The following XPNPEP3 variants were observed in gnomAD, a reference collection of about 807,000 sequenced individuals.
XPNPEP3 encodes the protein X-prolyl aminopeptidase 3.
In XPNPEP3, 41 loss-of-function variants were observed where a neutral mutation model predicts 60.0. The ratio of observed to expected loss-of-function variants is 0.68; its 90% CI spans 0.53 to 0.89. The LOEUF (loss-of-function observed/expected upper bound fraction) is 0.89, where lower values mean the gene tolerates loss of function less well. Ranked by LOEUF, XPNPEP3 falls within the 40% of genes least tolerant of loss-of-function variation. The probability of loss-of-function intolerance (pLI) is 0.00; values close to 1 mark genes in which losing one functional copy is unlikely to be tolerated. For synonymous variants in XPNPEP3, 212 were observed against 223.2 expected, an observed-to-expected ratio of 0.95 and a Z score of 0.45; for missense variants, 598 against 638.9, an observed-to-expected ratio of 0.94 and a Z score of 0.69.
chr22:40,884,855 G>A (rs146692695), intron 3 of XPNPEP3, among the ~76,000 whole-genome samples: 2,457 of 151,398 alleles, frequency 0.016, 68 homozygotes, highest in African/African-American at 0.057. Flanking sequence ...GTGAAACCCC[G>A]TCTCTACTAA....
intron 5 of XPNPEP3, 120 bp downstream of exon 5, chr22:40,907,769 A>T: frequency 3.0e-6 from 3 of 1,005,090 alleles, no homozygotes; most frequent in Non-Finnish European, 4.6e-6. Flanking sequence ...ATTGGAGAGG[A>T]TTTGGTTCTG....
intron 7 of XPNPEP3, among the ~76,000 whole-genome samples, chr22:40,921,043 C>T (rs957026755): frequency 1.3e-5 from 2 of 152,140 alleles, no homozygotes; most frequent in South Asian, 2.1e-4. Context: ...CCACCCGCCT[C>T]GGCCTCCCAA....
chr22:40,874,282 G>A (rs2058019222), intron 2 of XPNPEP3, among the ~76,000 whole-genome samples: 1 of 152,082 alleles, frequency 6.6e-6, no homozygotes. Context: ...AAATTAAAAG[G>A]AATCAAGAAA....
intron 6 of XPNPEP3, among the ~76,000 whole-genome samples, 156 bp downstream of exon 6, chr22:40,909,391 A>G (rs1311289951): frequency 3.3e-5 from 5 of 152,170 alleles, no homozygotes; most frequent in Admixed American, 1.3e-4. Flanking sequence ...ACATTATCTC[A>G]TTTTGTCCTT....
chr22:40,863,653 A>C (rs1354285290), intron 1 of XPNPEP3, among the ~76,000 whole-genome samples: 1 of 152,174 alleles, frequency 6.6e-6, no homozygotes, highest in Non-Finnish European at 1.5e-5. Context: ...CATGATTATA[A>C]TTTGCCTACC....
chr22:40,869,191 G>A, intron 2 of XPNPEP3, 76 bp downstream of exon 2: 1 of 1,265,510 alleles, frequency 7.9e-7, no homozygotes, highest in Admixed American at 1.7e-5. Context: ...ACTTCTTGCA[G>A]TAAGCTCTGG....
chr22:40,876,473 C>T (rs1292363549), intron 2 of XPNPEP3, among the ~76,000 whole-genome samples: 1 of 152,210 alleles, frequency 6.6e-6, no homozygotes, highest in East Asian at 1.9e-4. Flanking sequence ...CACATAACAA[C>T]TTTGTGAAGT....
rs1241696132 is a variant in XPNPEP3, at chr22:40,931,312, C to T, written c.*4877C>T. ...TACCACCTAAATGAAGGAAACATAT[C>T]TGGATATCCAGTGTCACATACTTTT... is the stretch of plus-strand genomic sequence containing the variant. On this transcript the variant is annotated 3_prime_UTR_variant, in exon 10 of 10. Coordinates refer to ENST00000357137, the MANE Select transcript of XPNPEP3 (RefSeq NM_022098.4). 1 of 152,128 alleles carries T rather than the reference C, an allele frequency of 6.6e-6. No homozygotes were observed. The highest frequency in any genetic ancestry group is 1.5e-5 in the Non-Finnish European group (1 of 68,030). The allele number at this position is 152,128 out of a possible 1,614,324, so 9.4% of individuals were successfully genotyped here.
intron 2 of XPNPEP3, among the ~76,000 whole-genome samples, chr22:40,880,754 C>T (rs1035484028): frequency 1.4e-5 from 2 of 147,740 alleles, no homozygotes; most frequent in Non-Finnish European, 3.0e-5. Flanking sequence ...TGCGCCACTG[C>T]ACTTCAGCCT....
chr22:40,921,478 C>T (rs1022939491), intron 7 of XPNPEP3, among the ~76,000 whole-genome samples: 2 of 144,812 alleles, frequency 1.4e-5, no homozygotes, highest in Non-Finnish European at 1.5e-5. Context: ...ATAGTGAGAC[C>T]TTGTCTCTAA....
At chr22:40,868,428 CGTGTGTGTGT>C (rs35513572) in intron 1 of XPNPEP3, among the ~76,000 whole-genome samples, 50 of 144,674 alleles carry the variant, frequency 3.5e-4, no homozygotes, top group African/African-American at 9.6e-4. Flanking sequence ...TATATGTGTG[CGTGTGTGTGT>C]GTGTGTGTGT....
intron 4 of XPNPEP3, among the ~76,000 whole-genome samples, chr22:40,897,747 C>G (rs543931721): frequency 1.3e-5 from 2 of 152,146 alleles, no homozygotes; most frequent in South Asian, 4.1e-4. Context: ...CCAATCGATA[C>G]TTGTTATTTT....
At chr22:40,894,639 A>G (rs1050827703) in intron 4 of XPNPEP3, among the ~76,000 whole-genome samples, 3 of 152,174 alleles carry the variant, frequency 2.0e-5, no homozygotes, top group African/African-American at 7.2e-5. Flanking sequence ...GCCCACTGGT[A>G]TATGTCATTG....
intron 3 of XPNPEP3, among the ~76,000 whole-genome samples, chr22:40,883,658 G>T (rs1033633424): frequency 6.6e-6 from 1 of 152,108 alleles, no homozygotes; most frequent in African/African-American, 2.4e-5. Flanking sequence ...CACCGTGCCT[G>T]GCCATAGTTG....
At chr22:40,889,994 T>C (rs1317088532) in intron 4 of XPNPEP3, among the ~76,000 whole-genome samples, 3 of 152,222 alleles carry the variant, frequency 2.0e-5, no homozygotes, top group Admixed American at 1.3e-4. Context: ...TCATGGTATA[T>C]ATCTGCTGAG....
chr22:40,857,372 C>T (rs2057907744), intron 1 of XPNPEP3, 127 bp downstream of exon 1: 2 of 1,056,996 alleles, frequency 1.9e-6, no homozygotes, highest in Admixed American at 2.0e-5. Context: ...CCTCTGTGCT[C>T]CGCGGATTTC....
At chr22:40,857,533 A>T (rs764633323) in intron 1 of XPNPEP3, among the ~76,000 whole-genome samples, 1 of 152,260 alleles carries the variant, frequency 6.6e-6, no homozygotes, top group African/African-American at 2.4e-5. Flanking sequence ...AGTTGTGGCA[A>T]TTATCACACT....
chr22:40,906,611 G>A (rs2058156599), intron 4 of XPNPEP3, among the ~76,000 whole-genome samples: 3 of 152,272 alleles, frequency 2.0e-5, no homozygotes, highest in South Asian at 2.1e-4. Context: ...GCTCTCCCAC[G>A]AGGAATTATC....
chr22:40,913,774 A>G (rs1226036302), intron 6 of XPNPEP3, among the ~76,000 whole-genome samples: 1 of 152,124 alleles, frequency 6.6e-6, no homozygotes, highest in African/African-American at 2.4e-5. Context: ...CCCTGTTTCA[A>G]ACATCTGAAA....
Sources: allele counts gnomAD v4.1 joint callset (sites outside exome capture counted in the v4.1 genomes callset), GRCh38; gene constraint gnomAD v4.1.1; transcripts MANE v1.5; gene names NCBI Gene and HGNC (gene_info 2026-07-23, HGNC 2026-07-21).